The following FARP1 variants were observed in gnomAD, a reference collection of about 807,000 sequenced individuals.
The protein encoded by FARP1 is FERM, ARH/RhoGEF and pleckstrin domain protein 1.
A neutral mutation model predicts 128.8 loss-of-function variants in FARP1; 52 were observed. The observed-to-expected ratio is 0.40, with a 90% CI of 0.32 to 0.51. The LOEUF (loss-of-function observed/expected upper bound fraction) is 0.51. Among genes scored for constraint, FARP1 ranks in the 20% least tolerant of loss-of-function variants. The probability of loss-of-function intolerance (pLI) is 0.45; values close to 1 mark genes in which losing one functional copy is unlikely to be tolerated. For missense variants in FARP1, 1,333 were observed against 1,367.9 expected (o/e 0.97, Z 0.40); for synonymous variants, 580 against 551.8 (o/e 1.05, Z -0.72).
At chr13:98,387,545 G>A (rs142610120) in intron 8 of FARP1, among the ~76,000 whole-genome samples, 1 of 152,274 alleles carries the variant, frequency 6.6e-6, no homozygotes, top group East Asian at 1.9e-4. Flanking sequence ...TTCTTGCCAC[G>A]TTAAATGAAC....
chr13:98,237,328 T>G (rs888058025), intron 2 of FARP1, among the ~76,000 whole-genome samples: 5 of 151,994 alleles, frequency 3.3e-5, no homozygotes, highest in African/African-American at 4.8e-5. Context: ...AGTTAAAATT[T>G]ATCAAAACTT....
chr13:98,370,745 G>A (rs1435624275), intron 5 of FARP1, among the ~76,000 whole-genome samples: 1 of 152,184 alleles, frequency 6.6e-6, no homozygotes, highest in Admixed American at 6.5e-5. Flanking sequence ...ACAGGAATGT[G>A]CAGCTCCAGG....
intron 2 of FARP1, among the ~76,000 whole-genome samples, chr13:98,237,955 T>G (rs1166090564): frequency 1.3e-5 from 2 of 152,032 alleles, no homozygotes; most frequent in African/African-American, 4.8e-5. Flanking sequence ...TTTATGTGAG[T>G]GCAGGCTTGC....
chr13:98,179,191 G>T (rs1272520227), intron 1 of FARP1, among the ~76,000 whole-genome samples: 1 of 144,414 alleles, frequency 6.9e-6, no homozygotes, highest in Non-Finnish European at 1.5e-5. Context: ...AAGGTGAAAG[G>T]CATGTCTCGC....
chr13:98,231,422 T>C (rs1159724467), intron 2 of FARP1, among the ~76,000 whole-genome samples: 4 of 152,074 alleles, frequency 2.6e-5, no homozygotes, highest in Non-Finnish European at 5.9e-5. Flanking sequence ...ATTTCTATTT[T>C]CTATTTCTTA....
chr13:98,153,330 A>ATTT (rs71120310), intron 1 of FARP1, among the ~76,000 whole-genome samples: 18 of 130,180 alleles, frequency 1.4e-4, no homozygotes, highest in Admixed American at 2.8e-4. Flanking sequence ...TAAATAATAT[A>ATTT]ATATATAAAA....
At position 98,145,270 on chromosome 13, in the gene FARP1, C is replaced by G. The variant is rs1875440216; in HGVS notation, c.-24+1778C>G. ...GGGGCAGATTCTATGGTGCACCACC[C>G]CGCCCCCGTTACTTGGGGTGTGGTG... On this transcript the variant is annotated intron_variant, in intron 1 of 26. Transcript: ENST00000319562. 2.0e-5 allele frequency among the ~76,000 whole-genome samples: 3 copies of G among 152,274 alleles called. No individual in the cohort carries two copies. The South Asian group carries it at 6.2e-4, about 32-fold the overall frequency.
intron 2 of FARP1, among the ~76,000 whole-genome samples, chr13:98,339,857 C>T (rs9300478): frequency 0.12 from 18,485 of 152,158 alleles, 1,571 homozygotes; most frequent in African/African-American, 0.24. Context: ...TAATCATCAT[C>T]GTTTCACTTG....
chr13:98,256,948 G>GGTGTATAT (rs59128917), intron 2 of FARP1, among the ~76,000 whole-genome samples: 7 of 77,096 alleles, frequency 9.1e-5, no homozygotes, highest in South Asian at 5.2e-4. Context: ...TATATATGTG[G>GGTGTATAT]ATATATATAT....
intron 2 of FARP1, chr13:98,245,341 T>C: frequency 1.0e-6 from 1 of 985,560 alleles, no homozygotes; most frequent in South Asian, 4.7e-5. Context: ...ATAAGCACTT[T>C]GTGGGATGTT....
At position 98,176,383 on chromosome 13, in the gene FARP1, C is replaced by G; in HGVS notation, c.-24+32891C>G. ...ACAGATGTAGCAGCGCGGGGTGGCC[C>G]GGAAGTGCTCCAGCGCGCAGCTCTC... On this transcript the variant is annotated intron_variant, in intron 1 of 26. Transcript: ENST00000319562. This position sits in a 1 kb window ranked among gnomAD's most constrained non-coding sequence, Gnocchi z 6.2. 1 of 1,614,194 alleles carries G rather than the reference C, an allele frequency of 6.2e-7. No homozygotes were observed. Among genetic ancestry groups the G allele is most frequent in the Non-Finnish European group, 8.5e-7 (1 of 1,180,046 alleles).
At chr13:98,338,434 AT>A (rs796336588) in intron 2 of FARP1, 21 of 152,282 alleles carry the variant, frequency 1.4e-4, no homozygotes, top group African/African-American at 5.1e-4. Context: ...TGACTGGCTT[AT>A]TTCACTTAGA....
chr13:98,387,843 C>T (rs1444582798), intron 8 of FARP1, among the ~76,000 whole-genome samples: 1 of 152,218 alleles, frequency 6.6e-6, no homozygotes, highest in African/African-American at 2.4e-5. Flanking sequence ...TGATTGCAAA[C>T]CTGCTGAATG....
chr13:98,388,508 G>T, intron 9 of FARP1, 30 bp downstream of exon 9: 2 of 1,530,934 alleles, frequency 1.3e-6, no homozygotes, highest in Non-Finnish European at 1.8e-6. Flanking sequence ...AAGGGGACCC[G>T]TTGAGCCATG....
intron 3 of FARP1, among the ~76,000 whole-genome samples, chr13:98,362,004 C>G (rs1888893846): frequency 6.6e-6 from 1 of 152,186 alleles, no homozygotes; most frequent in Non-Finnish European, 1.5e-5. Context: ...TGGCTCATGC[C>G]TATAATCCCA....
rs1156837288 is a variant in FARP1 at position 98,390,891 on chromosome 13, C to T, written c.1088+11C>T. The T allele has an allele frequency of 1.3e-6, 2 of 1,587,612 alleles. No homozygotes were observed. The highest frequency in any genetic ancestry group is 3.3e-5 in the Admixed American group (2 of 59,910). Reference sequence around the variant, plus strand: ...GGTGCAGTTTGAAAGGTAAGAGAAGCTTCAATGCTACTTCCAGTCTGAGAA... The same window carrying T: ...GGTGCAGTTTGAAAGGTAAGAGAAGTTTCAATGCTACTTCCAGTCTGAGAA... On this transcript the variant is annotated intron_variant, in intron 11 of 26. Transcript: ENST00000319562.
At chr13:98,279,619 C>T (rs1213858535) in intron 2 of FARP1, among the ~76,000 whole-genome samples, 2 of 152,174 alleles carry the variant, frequency 1.3e-5, no homozygotes, top group Non-Finnish European at 2.9e-5. Context: ...CCCCAGTGGG[C>T]AGAGCACGTG....
chr13:98,326,525 C>G (rs555994268), intron 2 of FARP1, among the ~76,000 whole-genome samples: 1 of 152,284 alleles, frequency 6.6e-6, no homozygotes, highest in South Asian at 2.1e-4. Context: ...AATCTGTTGC[C>G]TGATTTCTTT....
intron 2 of FARP1, among the ~76,000 whole-genome samples, chr13:98,274,961 G>T (rs1204676463): frequency 2.0e-5 from 3 of 152,272 alleles, no homozygotes; most frequent in East Asian, 3.9e-4. Flanking sequence ...CTATCTGTTT[G>T]TTCCTAAAGT....
Sources: gnomAD v4.1 joint callset for allele counts (sites outside exome capture counted in the v4.1 genomes callset) on GRCh38, gnomAD v4.1.1 for gene constraint, Gnocchi (gnomAD v3.1) non-coding constraint, MANE v1.5 for transcripts, NCBI Gene and HGNC (gene_info 2026-07-23, HGNC 2026-07-21) for gene names.